Variants in COX7B2 observed in about 807,000 individuals in gnomAD.
The protein encoded by COX7B2 is cytochrome c oxidase subunit 7B2, mitochondrial.
For synonymous variants in COX7B2, 37 were observed against 32.1 expected, an observed-to-expected ratio of 1.15 and a Z score of -0.51; for missense variants, 109 against 95.9, an observed-to-expected ratio of 1.14 and a Z score of -0.57.
intron 2 of COX7B2, among the ~76,000 whole-genome samples, chr4:46,799,091 T>A (rs201348350): frequency 6.6e-6 from 1 of 152,176 alleles, no homozygotes; most frequent in East Asian, 1.9e-4. Context: ...GTTAGCTGTA[T>A]TCTGAAGGTT....
intron 2 of COX7B2, among the ~76,000 whole-genome samples, chr4:46,781,118 A>G (rs1345630919): frequency 6.6e-6 from 1 of 152,202 alleles, no homozygotes; most frequent in Non-Finnish European, 1.5e-5. Context: ...GTACCAACAT[A>G]TAGCTAGTAG....
At chr4:46,828,034 T>A (rs1377606198) in intron 2 of COX7B2, among the ~76,000 whole-genome samples, 1 of 152,166 alleles carries the variant, frequency 6.6e-6, no homozygotes, top group Non-Finnish European at 1.5e-5. Context: ...ATGTATGCAC[T>A]TGTCAAAGCT....
At chr4:46,749,704 T>C (rs2109426133) in intron 2 of COX7B2, among the ~76,000 whole-genome samples, 1 of 152,326 alleles carries the variant, frequency 6.6e-6, no homozygotes, top group East Asian at 1.9e-4. Context: ...ATTCATCTAA[T>C]GGATGTTAGA....
At chr4:46,878,732 T>G (rs1718510937) in intron 1 of COX7B2, among the ~76,000 whole-genome samples, 1 of 152,198 alleles carries the variant, frequency 6.6e-6, no homozygotes, top group African/African-American at 2.4e-5. Flanking sequence ...TGGGCAACTA[T>G]GATTCCTCTA....
intron 1 of COX7B2, among the ~76,000 whole-genome samples, chr4:46,845,871 C>G (rs1185238327): frequency 6.6e-6 from 1 of 151,970 alleles, no homozygotes; most frequent in Non-Finnish European, 1.5e-5. Flanking sequence ...GGTTAAACTG[C>G]ATGAGTATCC....
chr4:46,861,566 G>T (rs1266340439), intron 1 of COX7B2, among the ~76,000 whole-genome samples: 1 of 152,134 alleles, frequency 6.6e-6, no homozygotes, highest in African/African-American at 2.4e-5. Context: ...CATTGCTCAG[G>T]TCTAGTACAA....
At chr4:46,754,508 A>T (rs1330324997) in intron 2 of COX7B2, among the ~76,000 whole-genome samples, 6 of 113,480 alleles carry the variant, frequency 5.3e-5, no homozygotes, top group Non-Finnish European at 1.0e-4. Context: ...TTGGGAACTG[A>T]ACAATGAGAA....
chr4:46,868,326 T>C (rs1717793410), intron 1 of COX7B2, among the ~76,000 whole-genome samples: 2 of 152,300 alleles, frequency 1.3e-5, no homozygotes, highest in South Asian at 2.1e-4. Context: ...AACCAACTCC[T>C]GGATACATTG....
chr4:46,761,030 T>C (rs935335248), intron 2 of COX7B2, among the ~76,000 whole-genome samples: 11 of 152,292 alleles, frequency 7.2e-5, no homozygotes, highest in African/African-American at 2.6e-4. Flanking sequence ...AAAGTCCTTC[T>C]GGCCTTTCAT....
At chr4:46,805,173 C>T (rs1276178740) in intron 2 of COX7B2, among the ~76,000 whole-genome samples, 1 of 152,228 alleles carries the variant, frequency 6.6e-6, no homozygotes, top group African/African-American at 2.4e-5. Context: ...ATGCCTCTCC[C>T]TCCACACCTC....
intron 1 of COX7B2, among the ~76,000 whole-genome samples, chr4:46,851,141 CG>C (rs1232918626): frequency 6.6e-6 from 1 of 151,818 alleles, no homozygotes; most frequent in African/African-American, 2.4e-5. Flanking sequence ...AGGTGACTCC[CG>C]AGAGGACTGG....
intron 1 of COX7B2, among the ~76,000 whole-genome samples, chr4:46,857,989 T>A (rs1032076775): frequency 6.6e-6 from 1 of 152,334 alleles, no homozygotes; most frequent in East Asian, 1.9e-4. Context: ...TCATTTTGTT[T>A]AACTACTCGA....
At chr4:46,850,275 TA>T (rs1012138502) in intron 1 of COX7B2, among the ~76,000 whole-genome samples, 4 of 149,504 alleles carry the variant, frequency 2.7e-5, no homozygotes, top group Non-Finnish European at 5.9e-5. Flanking sequence ...GATTTAAAAA[TA>T]ATGATTTAAA....
intron 1 of COX7B2, among the ~76,000 whole-genome samples, chr4:46,907,011 T>C (rs886100593): frequency 2.0e-5 from 3 of 152,232 alleles, no homozygotes; most frequent in Non-Finnish European, 4.4e-5. Context: ...CTAGTCTTAG[T>C]TCTGCCTTTA....
At chr4:46,786,923 G>A (rs189091144) in intron 2 of COX7B2, among the ~76,000 whole-genome samples, 50 of 152,216 alleles carry the variant, frequency 3.3e-4, no homozygotes, top group Admixed American at 2.4e-3. Context: ...CCCTCCACAC[G>A]TGGCATAAAA....
intron 1 of COX7B2, among the ~76,000 whole-genome samples, chr4:46,905,629 G>C (rs1178947164): frequency 6.6e-6 from 1 of 152,042 alleles, no homozygotes; most frequent in Non-Finnish European, 1.5e-5. Context: ...TTACAGAAAA[G>C]TTTAAAAATT....
intron 1 of COX7B2, among the ~76,000 whole-genome samples, chr4:46,850,406 G>A (rs1176844022): frequency 6.6e-6 from 1 of 152,014 alleles, no homozygotes; most frequent in East Asian, 1.9e-4. Flanking sequence ...ACAAGCTGGT[G>A]AGCATTTTCA....
At chr4:46,839,473 C>T (rs1451204645) in intron 2 of COX7B2, among the ~76,000 whole-genome samples, 2 of 151,976 alleles carry the variant, frequency 1.3e-5, no homozygotes. Context: ...AGATTGAGCT[C>T]ATTTTCATTA....
At chr4:46,856,814 C>T (rs1717034855) in intron 1 of COX7B2, among the ~76,000 whole-genome samples, 1 of 152,042 alleles carries the variant, frequency 6.6e-6, no homozygotes, top group African/African-American at 2.4e-5. Flanking sequence ...CATCCAATAC[C>T]TGAAGGTTTC....
Sources: allele counts gnomAD v4.1 joint callset (sites outside exome capture counted in the v4.1 genomes callset), GRCh38; gene constraint gnomAD v4.1.1; transcripts MANE v1.5; gene names NCBI Gene and HGNC (gene_info 2026-07-23, HGNC 2026-07-21).